The following TTLL12 variants were observed in gnomAD, a reference collection of about 807,000 sequenced individuals.
TTLL12 encodes the protein tubulin tyrosine ligase like 12.
Under a neutral mutation model 79.6 loss-of-function variants are expected in TTLL12, and 77 were observed. The ratio of observed to expected loss-of-function variants is 0.97; its 90% CI spans 0.81 to 1.17. The LOEUF (loss-of-function observed/expected upper bound fraction) is 1.17. TTLL12 is among the 50% of genes most tolerant of loss of function. The pLI is 0.00. For synonymous variants in TTLL12, 437 were observed against 376.1 expected (o/e 1.16, Z -1.87); for missense variants, 969 against 895.9 (o/e 1.08, Z -1.04).
intron 2 of TTLL12, among the ~76,000 whole-genome samples, chr22:43,182,194 T>C (rs771038995): frequency 1.3e-5 from 2 of 152,246 alleles, no homozygotes; most frequent in Non-Finnish European, 2.9e-5. Flanking sequence ...GCCACTGCAC[T>C]GAATTCACCT....
chr22:43,180,531 C>T (rs1020824508), intron 3 of TTLL12, among the ~76,000 whole-genome samples: 2 of 152,082 alleles, frequency 1.3e-5, no homozygotes, highest in African/African-American at 2.4e-5. Flanking sequence ...CATCTGGGCC[C>T]CTTCAGTTTA....
chr22:43,172,936 G>T (rs1215445393), intron 9 of TTLL12, among the ~76,000 whole-genome samples: 1 of 152,182 alleles, frequency 6.6e-6, no homozygotes, highest in Non-Finnish European at 1.5e-5. Flanking sequence ...GACCTCAGGT[G>T]ATCCGCCCAC....
intron 6 of TTLL12, chr22:43,175,647 C>CT (rs1931886208): frequency 6.6e-6 from 1 of 151,978 alleles, no homozygotes; most frequent in Non-Finnish European, 1.5e-5. Flanking sequence ...ATGGCCTATT[C>CT]CTATTTTTAA....
intron 1 of TTLL12, among the ~76,000 whole-genome samples, 159 bp downstream of exon 1, chr22:43,186,734 G>A (rs542092961): frequency 6.2e-4 from 95 of 152,120 alleles, no homozygotes; most frequent in Non-Finnish European, 9.1e-4. Flanking sequence ...GTCACTCTTC[G>A]GCCCCCAACT....
At position 43,168,823 on chromosome 22, in the gene TTLL12, C is replaced by T. The variant is rs1931686193; in HGVS notation, c.1734G>A (p.Arg578=). Residue 578 remains arginine (R), a synonymous_variant, in exon 13 of 14, where the codon CGG becomes CGA. Coordinates refer to ENST00000216129, the MANE Select transcript of TTLL12 (RefSeq NM_015140.4). ...PLGLCDYPSS[R]AMYAVDLMLK... ...GCATGAGGTCGACGGCATACATGGCCCGGGATGAGGGGTAGTCGCAGAGGC... is the reference window on the plus strand; with the variant it reads ...GCATGAGGTCGACGGCATACATGGCTCGGGATGAGGGGTAGTCGCAGAGGC... The T allele has an allele frequency of 6.3e-7, 1 of 1,591,404 alleles. No individual in the cohort carries two copies. Among genetic ancestry groups the T allele is most frequent in the Non-Finnish European group, 8.6e-7 (1 of 1,169,576 alleles).
chr22:43,178,390 C>T (rs866160782), intron 5 of TTLL12, among the ~76,000 whole-genome samples: 3 of 151,496 alleles, frequency 2.0e-5, no homozygotes, highest in East Asian at 1.9e-4. Context: ...GGCGCGATCT[C>T]GGCTCACTGC....
intron 9 of TTLL12, 124 bp downstream of exon 9, chr22:43,173,591 G>A: frequency 1.2e-6 from 1 of 863,584 alleles, no homozygotes; most frequent in Non-Finnish European, 1.7e-6. Flanking sequence ...GAGATTACAG[G>A]TGTAAGCCAC....
In TTLL12 at chr22:43,182,984, T is replaced by TG. The variant is rs34872708; in HGVS notation, c.342dup (p.Asn115GlnfsTer38). On this transcript the variant is annotated frameshift_variant, in exon 2 of 14. Transcript: ENST00000216129. LOFTEE classifies it high-confidence loss of function. ...TGTCTCTGGCCAGGCTCCTACCTGT[T>TG]GGGGTGGGCTGCCTGGAGCCCGCTC... is the stretch of plus-strand genomic sequence containing the variant. 6.2e-7 allele frequency: 1 copy of TG among 1,613,294 alleles called. No individual in the cohort carries two copies. Among genetic ancestry groups the TG allele is most frequent in the Non-Finnish European group, 8.5e-7 (1 of 1,179,500 alleles).
At chr22:43,168,461 T>C (rs1313519940) in intron 13 of TTLL12, among the ~76,000 whole-genome samples, 1 of 148,316 alleles carries the variant, frequency 6.7e-6, no homozygotes, top group African/African-American at 2.5e-5. Flanking sequence ...GCAGCAGCAG[T>C]GTACTGTGTG....
Position 43,180,839 on chromosome 22 carries a change from C to A in TTLL12, c.449G>T (p.Gly150Val). The change falls in exon 3 of 14, where the codon GGC (glycine) becomes GTC (valine). Residue 150 changes from glycine (G) to valine (V), a missense_variant. Physicochemically the swap from Gly to Val is moderately radical, Grantham distance 109. Coordinates refer to ENST00000216129, the MANE Select transcript of TTLL12 (RefSeq NM_015140.4). ...GLLHRMANLM[G>V]IEFHGELPST... ...GGGCAGCTCACCGTGGAACTCAATG[C>A]CCATCAGGTTGGCCATGCGGTGCAG... 6.2e-7 allele frequency: 1 copy of A among 1,613,134 alleles called. No individual in the cohort carries two copies.
Position 43,171,806 on chromosome 22 carries a change from C to T in TTLL12, c.1575+13G>A, listed in dbSNP as rs761269383. The T allele has an allele frequency of 5.6e-6, 9 of 1,613,150 alleles. No individual in the cohort carries two copies. Among genetic ancestry groups the T allele is most frequent in the Admixed American group, 1.7e-5 (1 of 60,010 alleles). On this transcript the variant is annotated intron_variant, in intron 11 of 13. Transcript: ENST00000216129. ...TCTGTGTGAACCTGCTCTGCACCTC[C>T]CTCAGGCCCTACCTGCTTCAGCACC...
intron 11 of TTLL12, chr22:43,170,216 C>G (rs750949694): frequency 1.3e-5 from 4 of 313,832 alleles, no homozygotes; most frequent in Non-Finnish European, 2.5e-5. Flanking sequence ...CCCCACAGTA[C>G]AGAAGGGAGG....
chr22:43,179,778 A>G (rs770847741), intron 4 of TTLL12, 26 bp from the exon 5 acceptor site: 1 of 1,549,856 alleles, frequency 6.5e-7, no homozygotes, highest in South Asian at 1.2e-5. Context: ...AGTGCCCATC[A>G]GAGGGGGTGA....
At chr22:43,172,632 G>C in intron 9 of TTLL12, 78 bp from the exon 10 acceptor site, 1 of 1,548,086 alleles carries the variant, frequency 6.5e-7, no homozygotes, top group Non-Finnish European at 8.9e-7. Context: ...AGCCACGCAG[G>C]GGGCACAGAC....
At chr22:43,185,163 G>C (rs1569488165) in intron 1 of TTLL12, among the ~76,000 whole-genome samples, 1 of 151,138 alleles carries the variant, frequency 6.6e-6, no homozygotes, top group Non-Finnish European at 1.5e-5. Context: ...GGGAGGCAGA[G>C]CTTGCAGTGA....
chr22:43,180,703 C>T, intron 3 of TTLL12, 39 bp downstream of exon 3: 1 of 1,603,916 alleles, frequency 6.2e-7, no homozygotes, highest in Non-Finnish European at 8.5e-7. Flanking sequence ...TGTGCCCATG[C>T]CTGTCCTCCC....
intron 11 of TTLL12, among the ~76,000 whole-genome samples, chr22:43,171,364 G>A (rs569274470): frequency 1.1e-4 from 16 of 152,310 alleles, no homozygotes; most frequent in African/African-American, 1.7e-4. Flanking sequence ...ATGGGGCACC[G>A]CTCAACACTG....
At chr22:43,182,901 C>A (rs1458376056) in intron 2 of TTLL12, 79 bp downstream of exon 2, 3 of 1,530,672 alleles carry the variant, frequency 2.0e-6, no homozygotes, top group Non-Finnish European at 1.8e-6. Flanking sequence ...CGGTGCAGGG[C>A]CCAGGAGAAT....
chr22:43,173,090 G>A (rs1019093989), intron 9 of TTLL12, among the ~76,000 whole-genome samples: 5 of 152,098 alleles, frequency 3.3e-5, no homozygotes, highest in African/African-American at 1.2e-4. Flanking sequence ...AAGTCTCCAC[G>A]ACAATCGTCC....
Sources: allele counts gnomAD v4.1 joint callset (sites outside exome capture counted in the v4.1 genomes callset), GRCh38; gene constraint gnomAD v4.1.1; transcripts MANE v1.5; gene names NCBI Gene and HGNC (gene_info 2026-07-23, HGNC 2026-07-21).